The following FAT3 variants were observed in gnomAD, a reference collection of about 807,000 sequenced individuals.
The protein encoded by FAT3 is protocadherin Fat 3.
A neutral mutation model predicts 310.2 loss-of-function variants in FAT3; 95 were observed. The observed-to-expected ratio is 0.31, with a 90% CI of 0.26 to 0.36. The LOEUF (loss-of-function observed/expected upper bound fraction) is 0.36, where lower values mean the gene tolerates loss of function less well. Among genes scored for constraint, FAT3 ranks in the 10% least tolerant of loss-of-function variants. The probability of loss-of-function intolerance (pLI) is 1.00; values close to 1 mark genes in which losing one functional copy is unlikely to be tolerated. For synonymous variants in FAT3, 2,314 were observed against 2,192.9 expected (o/e 1.06, Z -1.54); for missense variants, 5,408 against 5,715.6 (o/e 0.95, Z 1.74).
chr11:92,679,416 C>T (rs926304354), intron 3 of FAT3, among the ~76,000 whole-genome samples: 5 of 151,980 alleles, frequency 3.3e-5, no homozygotes, highest in Non-Finnish European at 4.4e-5. Flanking sequence ...ACATTCCCTC[C>T]AGTAGCATTT....
chr11:92,283,996 A>G (rs556335971), intron 1 of FAT3, among the ~76,000 whole-genome samples: 2 of 152,108 alleles, frequency 1.3e-5, no homozygotes, highest in South Asian at 2.1e-4. Flanking sequence ...GCATTTCTAT[A>G]TTTATGTGTT....
rs376790690 is a variant in FAT3 at position 92,831,739 on chromosome 11, C to T, written c.9599C>T (p.Ser3200Leu). 21 of 1,613,514 alleles carry T rather than the reference C, an allele frequency of 1.3e-5. No individual in the cohort carries two copies. The highest frequency in any genetic ancestry group is 4.5e-5 in the East Asian group (2 of 44,826). ...EQPLDREQQS[S>L]YNISVRATDQ... ...CCACTGGACCGTGAGCAGCAGTCTT[C>T]GTACAACATCAGCGTGCGGGCCACT... The change falls in exon 14 of 28, where the codon TCG (serine) becomes TTG (leucine). Residue 3200 changes from serine (S) to leucine (L), a missense_variant. Physicochemically the swap from Ser to Leu is moderately radical, Grantham distance 145 (BLOSUM62 -2). This residue lies in a region of FAT3 where 4,588 missense variants were observed against 4,809.8 expected (regional missense o/e 0.95). Transcript: ENST00000525166.
chr11:92,625,080 C>G (rs1252198479), intron 3 of FAT3, among the ~76,000 whole-genome samples: 6 of 152,112 alleles, frequency 3.9e-5, no homozygotes, highest in Non-Finnish European at 8.8e-5. Flanking sequence ...ACAATTTAAC[C>G]CATCATGGTG....
chr11:92,792,935 G>T lies in FAT3; in HGVS notation c.4780G>T (p.Asp1594Tyr). Residue 1594 changes from aspartate to tyrosine, a missense_variant, in exon 9 of 28, where the codon GAC becomes TAC. Asp to Tyr is a radical substitution (Grantham distance 160). Around this residue, in one of 5 missense-constraint regions of FAT3, gnomAD observed 4,588 missense variants for 4,809.8 expected, o/e 0.95. Coordinates refer to ENST00000525166, the MANE Select transcript of FAT3 (RefSeq NM_001367949.2). ...TCTGCAAGTGACGGCTCTGGACAAAGACAAAGGAGAAAATGCAGAACTCAT... is the reference window on the plus strand; with the variant it reads ...TCTGCAAGTGACGGCTCTGGACAAATACAAAGGAGAAAATGCAGAACTCAT... The part of the protein sequence containing the change: ...AVLQVTALDK[D>Y]KGENAELIYT... 6.2e-7 allele frequency: 1 copy of T among 1,613,730 alleles called. No individual in the cohort carries two copies. Among genetic ancestry groups the T allele is most frequent in the Non-Finnish European group, 8.5e-7 (1 of 1,179,768 alleles).
At chr11:92,583,283 C>G (rs947836075) in intron 3 of FAT3, among the ~76,000 whole-genome samples, 4 of 151,970 alleles carry the variant, frequency 2.6e-5, no homozygotes, top group African/African-American at 9.7e-5. Context: ...GGACGAAAGT[C>G]TAGGGAGCTT....
At position 92,594,333 on chromosome 11, in the gene FAT3, C is replaced by T. The variant is rs1415081971; in HGVS notation, c.3607+69385C>T. Among the ~76,000 whole-genome samples the T allele has an allele frequency of 2.6e-5, 4 of 152,140 alleles. No homozygotes were observed. The East Asian group carries it at 7.7e-4, about 29-fold the overall frequency. On this transcript the variant is annotated intron_variant, in intron 3 of 27. Coordinates refer to ENST00000525166, the MANE Select transcript of FAT3 (RefSeq NM_001367949.2). ...TGGTGGGCTCCTGTAATCCCAGCTA[C>T]TCAGGAGGCTAAGGCAGGAGAATCA...
Position 92,402,762 on chromosome 11 carries a change from G to T in FAT3, c.3292+47358G>T, listed in dbSNP as rs190128759. Among the ~76,000 whole-genome samples the T allele has an allele frequency of 7.9e-4, 116 of 145,936 alleles. 1 individual carries two copies. In the East Asian group the frequency reaches 0.021, roughly 26 times the overall value. On this transcript the variant is annotated intron_variant, in intron 2 of 27. Coordinates refer to ENST00000525166, the MANE Select transcript of FAT3 (RefSeq NM_001367949.2). ...AAAAAAGAAAGAAAGAAAAGAAAAA[G>T]AACTTTCCAACATTAATAATAGACA...
intron 1 of FAT3, among the ~76,000 whole-genome samples, chr11:92,303,474 A>C (rs968453205): frequency 1.3e-5 from 2 of 152,062 alleles, no homozygotes; most frequent in Non-Finnish European, 2.9e-5. Context: ...TAAAAGTACA[A>C]CCTAGATATG....
intron 2 of FAT3, among the ~76,000 whole-genome samples, chr11:92,390,869 G>A (rs1271680163): frequency 6.6e-6 from 1 of 152,142 alleles, no homozygotes; most frequent in Non-Finnish European, 1.5e-5. Flanking sequence ...AGTTAGAGTT[G>A]AACAAGTGCT....
chr11:92,389,537 A>T (rs1969024034), intron 2 of FAT3, among the ~76,000 whole-genome samples: 1 of 152,312 alleles, frequency 6.6e-6, no homozygotes, highest in African/African-American at 2.4e-5. Flanking sequence ...AATAGATTTA[A>T]ATGGTAAAGA....
At chr11:92,476,045 C>T (rs756337957) in intron 2 of FAT3, among the ~76,000 whole-genome samples, 3 of 151,958 alleles carry the variant, frequency 2.0e-5, no homozygotes, top group Non-Finnish European at 2.9e-5. Flanking sequence ...AGACACTGGG[C>T]TGGCCAGCAG....
At chr11:92,376,461 A>C (rs1324158343) in intron 2 of FAT3, among the ~76,000 whole-genome samples, 2 of 152,212 alleles carry the variant, frequency 1.3e-5, no homozygotes, top group East Asian at 3.8e-4. Context: ...CGAATAGTGA[A>C]TCATTCTGGG....
chr11:92,630,257 C>A (rs1591540698), intron 3 of FAT3, among the ~76,000 whole-genome samples: 1 of 152,138 alleles, frequency 6.6e-6, no homozygotes, highest in Non-Finnish European at 1.5e-5. Flanking sequence ...TTAATCAGCC[C>A]TTTGGTCTCT....
intron 5 of FAT3, among the ~76,000 whole-genome samples, chr11:92,763,985 TATAA>T (rs1166903551): frequency 6.6e-6 from 1 of 152,212 alleles, no homozygotes; most frequent in Non-Finnish European, 1.5e-5. Flanking sequence ...GTTATGTTCC[TATAA>T]ATGTTATTTT....
chr11:92,441,917 TCTTAC>T (rs1334583951), intron 2 of FAT3, among the ~76,000 whole-genome samples: 11 of 151,558 alleles, frequency 7.3e-5, no homozygotes, highest in African/African-American at 2.4e-4. Flanking sequence ...CAAGACTTAG[TCTTAC>T]CTTCAAATAC....
At chr11:92,265,575 A>G (rs1030186811) in intron 1 of FAT3, among the ~76,000 whole-genome samples, 1 of 152,024 alleles carries the variant, frequency 6.6e-6, no homozygotes, top group Admixed American at 6.6e-5. Flanking sequence ...GTCTTAGATC[A>G]TTTGGGCTGC....
At chr11:92,544,866 G>A (rs1002781728) in intron 3 of FAT3, among the ~76,000 whole-genome samples, 2 of 152,178 alleles carry the variant, frequency 1.3e-5, no homozygotes, top group Non-Finnish European at 2.9e-5. Flanking sequence ...GCTCTAACAG[G>A]TTTTGAGACT....
intron 4 of FAT3, among the ~76,000 whole-genome samples, chr11:92,756,942 T>TTTTTTA (rs1946010129): frequency 6.8e-6 from 1 of 147,368 alleles, no homozygotes; most frequent in African/African-American, 2.5e-5. Flanking sequence ...TTTTTTTTTT[T>TTTTTTA]AGACAGAGGT....
intron 3 of FAT3, among the ~76,000 whole-genome samples, chr11:92,567,078 A>G (rs1165491308): frequency 2.0e-5 from 3 of 152,316 alleles, no homozygotes; most frequent in Admixed American, 6.5e-5. Flanking sequence ...AGCAAAAGAA[A>G]CTGCCATCAG....
Sources: allele counts gnomAD v4.1 joint callset (sites outside exome capture counted in the v4.1 genomes callset), GRCh38; gene constraint gnomAD v4.1.1; regional missense constraint gnomAD v4.1.1; transcripts MANE v1.5; gene names NCBI Gene and HGNC (gene_info 2026-07-23, HGNC 2026-07-21).